Variants in NLGN1 observed in about 807,000 individuals in gnomAD.
NLGN1 encodes neuroligin-1.
Under a neutral mutation model 65.5 loss-of-function variants are expected in NLGN1, and 12 were observed. The observed-to-expected ratio is 0.18, with a 90% CI of 0.12 to 0.30. The LOEUF is 0.30. Among genes scored for constraint, NLGN1 ranks in the 10% least tolerant of loss-of-function variants. NLGN1 has a pLI of 1.00. For missense variants in NLGN1, 750 were observed against 1,007.1 expected, an observed-to-expected ratio of 0.74 and a Z score of 3.46; for synonymous variants, 350 against 359.5, an observed-to-expected ratio of 0.97 and a Z score of 0.30.
downstream of NLGN1, among the ~76,000 whole-genome samples, chr3:174,289,984 T>TAC (rs1169849643): frequency 4.1e-5 from 6 of 145,766 alleles, no homozygotes; most frequent in East Asian, 2.0e-4. Flanking sequence ...TATATATATA[T>TAC]ACATATATAT....
At chr3:173,658,728 G>A (rs1760462445) in intron 3 of NLGN1, among the ~76,000 whole-genome samples, 1 of 151,964 alleles carries the variant, frequency 6.6e-6, no homozygotes, top group Non-Finnish European at 1.5e-5. Flanking sequence ...CCAGGGTCCT[G>A]TTTCAAGGGT....
At position 174,229,617 on chromosome 3, in the gene NLGN1, GA is replaced by G. The variant is rs200108969; in HGVS notation, c.647-45691del. ...TGCTAATGAATACTAAAAAGTAAAAGAAAAAAACTGGCAGATATATGTATTT... is the reference window on the plus strand; with the variant it reads ...TGCTAATGAATACTAAAAAGTAAAAGAAAAAACTGGCAGATATATGTATTT... On this transcript the variant is annotated intron_variant, in intron 4 of 6. Transcript: ENST00000457714. Among the ~76,000 whole-genome samples, 1,017 of 152,076 alleles carry G rather than the reference GA, an allele frequency of 6.7e-3. 21 individuals carry two copies. The highest frequency in any genetic ancestry group is 0.03 in the East Asian group (158 of 5,182).
intron 3 of NLGN1, among the ~76,000 whole-genome samples, chr3:173,722,286 C>G (rs1770983981): frequency 7.8e-6 from 1 of 127,764 alleles, no homozygotes; most frequent in Non-Finnish European, 1.6e-5. Context: ...CTCTGTTGCT[C>G]AGGCTGGAGT....
chr3:173,550,118 G>A lies in NLGN1; in HGVS notation c.-320-54161G>A, dbSNP rs143538240. Among the ~76,000 whole-genome samples, 89 of 152,156 alleles carry A rather than the reference G, an allele frequency of 5.8e-4. No homozygotes were observed. In the East Asian group the frequency reaches 0.013, roughly 22 times the overall value. On this transcript the variant is annotated intron_variant, in intron 2 of 6. Transcript: ENST00000457714. ...TATCTCAATTGAAGGTCTTCATGCT[G>A]CCTACATGCCATACAATATGGCAGC...
intron 1 of NLGN1, among the ~76,000 whole-genome samples, chr3:173,406,675 A>C (rs1337985909): frequency 1.3e-5 from 2 of 151,870 alleles, no homozygotes; most frequent in African/African-American, 2.4e-5. Context: ...GACCGTTCTT[A>C]CCGTGCATTT....
At chr3:174,168,380 T>C (rs1727920783) in intron 4 of NLGN1, among the ~76,000 whole-genome samples, 1 of 152,090 alleles carries the variant, frequency 6.6e-6, no homozygotes, top group African/African-American at 2.4e-5. Flanking sequence ...CAAGTAGGAT[T>C]TTCTTCTTCT....
At chr3:173,849,140 G>GA (rs1318051221) in intron 4 of NLGN1, among the ~76,000 whole-genome samples, 4 of 151,722 alleles carry the variant, frequency 2.6e-5, no homozygotes, top group African/African-American at 7.3e-5. Flanking sequence ...ACCATATAAT[G>GA]AAAAAAGAAA....
At chr3:174,050,705 C>T (rs547111166) in intron 4 of NLGN1, among the ~76,000 whole-genome samples, 21 of 152,072 alleles carry the variant, frequency 1.4e-4, no homozygotes, top group African/African-American at 4.8e-4. Context: ...CCTTACCACA[C>T]TAGCTGCTTG....
chr3:173,701,189 G>T (rs1380652186), intron 3 of NLGN1, among the ~76,000 whole-genome samples: 2 of 152,100 alleles, frequency 1.3e-5, no homozygotes, highest in Non-Finnish European at 2.9e-5. Flanking sequence ...AAGCATACAG[G>T]CAGAATAATG....
At chr3:173,814,725 C>G (rs1476310321) in intron 4 of NLGN1, among the ~76,000 whole-genome samples, 2 of 152,074 alleles carry the variant, frequency 1.3e-5, no homozygotes, top group Non-Finnish European at 2.9e-5. Flanking sequence ...ATTCTCTTAG[C>G]TATTAAGTAT....
intron 4 of NLGN1, among the ~76,000 whole-genome samples, chr3:173,820,188 A>C (rs1201374520): frequency 2.6e-5 from 4 of 152,052 alleles, no homozygotes; most frequent in African/African-American, 9.6e-5. Flanking sequence ...CGAAAAAAAA[A>C]AAAAAAAAAA....
chr3:174,172,205 A>G (rs1465602681), intron 4 of NLGN1, among the ~76,000 whole-genome samples: 2 of 152,230 alleles, frequency 1.3e-5, no homozygotes, highest in Non-Finnish European at 2.9e-5. Context: ...GTTACATTAG[A>G]TATTTTGATA....
chr3:173,442,916 C>G (rs1373695551), intron 2 of NLGN1, among the ~76,000 whole-genome samples: 1 of 152,106 alleles, frequency 6.6e-6, no homozygotes, highest in South Asian at 2.1e-4. Context: ...AGTAACCCAG[C>G]AGCCTATAGT....
At chr3:173,502,461 T>G (rs1731298064) in intron 2 of NLGN1, among the ~76,000 whole-genome samples, 1 of 152,118 alleles carries the variant, frequency 6.6e-6, no homozygotes. Context: ...CCAGAGAATA[T>G]GAGCTACTGT....
chr3:173,753,810 C>G (rs1776656215), intron 3 of NLGN1, among the ~76,000 whole-genome samples: 1 of 151,782 alleles, frequency 6.6e-6, no homozygotes, highest in South Asian at 2.1e-4. Flanking sequence ...TCTATTCTCT[C>G]TCTTCTTCAG....
At chr3:174,053,825 A>G (rs537445981) in intron 4 of NLGN1, among the ~76,000 whole-genome samples, 1 of 152,120 alleles carries the variant, frequency 6.6e-6, no homozygotes, top group East Asian at 1.9e-4. Context: ...TCACAGCATT[A>G]CATTACACAT....
At chr3:173,696,343 C>T (rs1161458565) in intron 3 of NLGN1, among the ~76,000 whole-genome samples, 1 of 152,108 alleles carries the variant, frequency 6.6e-6, no homozygotes, top group African/African-American at 2.4e-5. Flanking sequence ...CTAACTTCTC[C>T]TTGTAGCATA....
intron 4 of NLGN1, among the ~76,000 whole-genome samples, chr3:173,892,380 G>A (rs1479578694): frequency 6.6e-6 from 1 of 151,342 alleles, no homozygotes. Context: ...AGGTTGGGAG[G>A]AACAAAACAT....
At chr3:173,898,095 T>C (rs1736649242) in intron 4 of NLGN1, among the ~76,000 whole-genome samples, 1 of 152,232 alleles carries the variant, frequency 6.6e-6, no homozygotes. Context: ...TTATAAATGG[T>C]AATTTCTTTA....
Sources: allele counts gnomAD v4.1 joint callset (sites outside exome capture counted in the v4.1 genomes callset), GRCh38; gene constraint gnomAD v4.1.1; transcripts MANE v1.5; gene names NCBI Gene and HGNC (gene_info 2026-07-23, HGNC 2026-07-21).